COL25A1: variants seen among roughly 807,000 people sequenced by gnomAD.
The protein encoded by COL25A1 is collagen alpha-1(XXV) chain.
COL25A1 carries 103 observed loss-of-function variants against 128.4 expected under a neutral mutation model. The observed-to-expected ratio is 0.80, with a 90% confidence interval of 0.68 to 0.94. The LOEUF (loss-of-function observed/expected upper bound fraction) is 0.94, where lower values mean the gene tolerates loss of function less well. Ranked by LOEUF, COL25A1 falls within the 40% of genes least tolerant of loss-of-function variation. The probability of loss-of-function intolerance (pLI) is 0.00; values close to 1 mark genes in which losing one functional copy is unlikely to be tolerated. For missense variants in COL25A1, 745 were observed against 840.0 expected (o/e 0.89, Z 1.40); for synonymous variants, 279 against 277.2 (o/e 1.01, Z -0.06).
chr4:109,066,114 C>A (rs756425211), intron 3 of COL25A1, among the ~76,000 whole-genome samples: 2 of 152,072 alleles, frequency 1.3e-5, no homozygotes, highest in Non-Finnish European at 2.9e-5. Flanking sequence ...AGACTGCAAT[C>A]TAGAATAATA....
chr4:108,894,465 A>G (rs1327152178), intron 16 of COL25A1, among the ~76,000 whole-genome samples: 2 of 152,156 alleles, frequency 1.3e-5, no homozygotes, highest in Non-Finnish European at 2.9e-5. Context: ...AAGACCCAGG[A>G]GCTAAAAATG....
intron 3 of COL25A1, among the ~76,000 whole-genome samples, chr4:109,141,819 T>C (rs1770431442): frequency 6.6e-6 from 1 of 152,240 alleles, no homozygotes; most frequent in Admixed American, 6.5e-5. Flanking sequence ...GATTCTTCTA[T>C]CTTTTCTTCT....
chr4:108,839,595 C>T (rs1389020615), intron 31 of COL25A1, among the ~76,000 whole-genome samples: 3 of 152,094 alleles, frequency 2.0e-5, no homozygotes, highest in Non-Finnish European at 4.4e-5. Context: ...ACAGAAAGAC[C>T]AAATTTCAAG....
chr4:108,891,186 A>C (rs1741456271), intron 16 of COL25A1, among the ~76,000 whole-genome samples: 1 of 152,212 alleles, frequency 6.6e-6, no homozygotes, highest in East Asian at 1.9e-4. Context: ...CAAGGATCAA[A>C]ATGTAAATTC....
chr4:109,284,528 A>C (rs769580681), intron 3 of COL25A1, among the ~76,000 whole-genome samples: 40 of 152,214 alleles, frequency 2.6e-4, no homozygotes, highest in Middle Eastern at 3.2e-3. Flanking sequence ...TCACTGTAAA[A>C]ATGCAATTCC....
At chr4:108,828,385 T>G (rs537060744) in intron 32 of COL25A1, among the ~76,000 whole-genome samples, 115 of 152,160 alleles carry the variant, frequency 7.6e-4, no homozygotes, top group African/African-American at 2.6e-3. Flanking sequence ...TCCACCCACC[T>G]GAGCCTCCCA....
At chr4:108,849,594 G>C (rs1735536030) in intron 26 of COL25A1, among the ~76,000 whole-genome samples, 1 of 152,094 alleles carries the variant, frequency 6.6e-6, no homozygotes, top group African/African-American at 2.4e-5. Context: ...AGTTTTGAAA[G>C]GTGACTAAAT....
intron 3 of COL25A1, among the ~76,000 whole-genome samples, chr4:109,076,924 G>A (rs1267471967): frequency 6.6e-6 from 1 of 152,158 alleles, no homozygotes. Flanking sequence ...AAGCAATGGA[G>A]AGTGGCTACA....
At chr4:109,240,885 C>T (rs111889367) in intron 3 of COL25A1, among the ~76,000 whole-genome samples, 35 of 152,144 alleles carry the variant, frequency 2.3e-4, no homozygotes, top group Admixed American at 5.2e-4. Context: ...CTCTTGTACA[C>T]CTTTTTATCC....
At chr4:109,225,687 A>G (rs58848856) in intron 3 of COL25A1, among the ~76,000 whole-genome samples, 13,166 of 152,204 alleles carry the variant, frequency 0.087, 1,185 homozygotes, top group African/African-American at 0.23. Flanking sequence ...GCAGAGATAC[A>G]AAATCAACCT....
intron 37 of COL25A1, 86 bp downstream of exon 37, chr4:108,817,311 G>A (rs910568441): frequency 1.7e-5 from 21 of 1,206,116 alleles, no homozygotes; most frequent in East Asian, 1.2e-4. Flanking sequence ...TTTAATATCC[G>A]AAGGTCTTTT....
intron 3 of COL25A1, among the ~76,000 whole-genome samples, chr4:109,217,806 C>T (rs2126205602): frequency 6.6e-6 from 1 of 152,232 alleles, no homozygotes; most frequent in African/African-American, 2.4e-5. Context: ...AGTTGTTATA[C>T]TGTTGAGTTT....
intron 3 of COL25A1, among the ~76,000 whole-genome samples, chr4:109,220,386 C>T (rs1324071611): frequency 6.6e-6 from 1 of 152,174 alleles, no homozygotes; most frequent in East Asian, 1.9e-4. Flanking sequence ...AATAACTCTA[C>T]ATGGCAGAAT....
At chr4:109,100,006 A>G (rs1765744822) in intron 3 of COL25A1, among the ~76,000 whole-genome samples, 1 of 152,102 alleles carries the variant, frequency 6.6e-6, no homozygotes, top group African/African-American at 2.4e-5. Flanking sequence ...CCTCCTCTCA[A>G]TCCTTCTGTA....
chr4:109,020,722 A>G (rs1757662057), intron 5 of COL25A1, among the ~76,000 whole-genome samples: 1 of 152,218 alleles, frequency 6.6e-6, no homozygotes, highest in African/African-American at 2.4e-5. Flanking sequence ...TATGTGGAAC[A>G]TAAGTAAAAA....
At chr4:108,940,824 T>G (rs563913160) in intron 9 of COL25A1, among the ~76,000 whole-genome samples, 178 bp from the exon 10 acceptor site, 1 of 152,340 alleles carries the variant, frequency 6.6e-6, no homozygotes, top group South Asian at 2.1e-4. Flanking sequence ...AAATAAATAT[T>G]CATGCTGGGT....
At chr4:109,083,616 C>G (rs1408963239) in intron 3 of COL25A1, among the ~76,000 whole-genome samples, 1 of 151,868 alleles carries the variant, frequency 6.6e-6, no homozygotes, top group Non-Finnish European at 1.5e-5. Flanking sequence ...GCACCCGCTA[C>G]CACGCCCGGC....
intron 19 of COL25A1, among the ~76,000 whole-genome samples, chr4:108,883,607 GT>G (rs1355849187): frequency 2.4e-5 from 1 of 42,102 alleles, no homozygotes; most frequent in African/African-American, 4.8e-5. Context: ...TAAAACAAAT[GT>G]TTTCAAACTA....
chr4:108,987,635 A>G (rs1229363274), intron 6 of COL25A1, among the ~76,000 whole-genome samples: 2 of 151,998 alleles, frequency 1.3e-5, no homozygotes, highest in African/African-American at 4.8e-5. Context: ...CTGCGTCCCA[A>G]AGTGCTGGGA....
Sources: allele counts gnomAD v4.1 joint callset (sites outside exome capture counted in the v4.1 genomes callset), GRCh38; gene constraint gnomAD v4.1.1; transcripts MANE v1.5; gene names NCBI Gene and HGNC (gene_info 2026-07-23, HGNC 2026-07-21).